Variants in RUNX2 observed in about 807,000 individuals in gnomAD.
The protein encoded by RUNX2 is RUNX family transcription factor 2.
A neutral mutation model predicts 51.7 loss-of-function variants in RUNX2; 10 were observed. That is an observed-to-expected ratio of 0.19 (90% confidence interval 0.12 to 0.33). RUNX2 has a LOEUF of 0.33. RUNX2 is among the 10% of genes least tolerant of loss of function. The pLI is 1.00. For synonymous variants in RUNX2, 276 were observed against 273.6 expected (o/e 1.01, Z -0.09); for missense variants, 562 against 691.3 (o/e 0.81, Z 2.10).
At chr6:45,538,691 C>T (rs1416567511) in intron 7 of RUNX2, among the ~76,000 whole-genome samples, 1 of 149,998 alleles carries the variant, frequency 6.7e-6, no homozygotes, top group Non-Finnish European at 1.5e-5. Context: ...GCTGGCTAAT[C>T]GGAGGAACGC....
chr6:45,411,972 T>C (rs910968377), intron 2 of RUNX2, among the ~76,000 whole-genome samples: 2 of 152,112 alleles, frequency 1.3e-5, no homozygotes, highest in African/African-American at 4.8e-5. Flanking sequence ...ATAAGAATAA[T>C]GTCACTCAAT....
intron 2 of RUNX2, among the ~76,000 whole-genome samples, chr6:45,418,455 A>C (rs1798110366): frequency 6.6e-6 from 1 of 152,198 alleles, no homozygotes; most frequent in Admixed American, 6.5e-5. Flanking sequence ...ATCACATACA[A>C]CTGAAAAGAT....
chr6:45,342,348 G>A (rs1019548051), intron 2 of RUNX2, among the ~76,000 whole-genome samples: 5 of 151,912 alleles, frequency 3.3e-5, no homozygotes, highest in Admixed American at 2.0e-4. Flanking sequence ...TGCAACCTCC[G>A]CCTCCTGGGT....
intron 2 of RUNX2, among the ~76,000 whole-genome samples, chr6:45,375,662 G>C (rs1482898731): frequency 3.9e-5 from 6 of 152,162 alleles, no homozygotes; most frequent in Middle Eastern, 3.4e-3. Flanking sequence ...TCTGGCCTCA[G>C]CCTCCCAAAG....
In RUNX2 at chr6:45,472,413, C is replaced by T. The variant is rs1426677321; in HGVS notation, c.686-19528C>T. On this transcript the variant is annotated intron_variant, in intron 5 of 8. Coordinates refer to ENST00000647337, the MANE Select transcript of RUNX2 (RefSeq NM_001024630.4). Reference sequence around the variant, plus strand: ...TCCCCTCTCCCCCAGAAAGAACATCCTTAGGTTTTCTCCCATTCTGCCAAA... The same window carrying T: ...TCCCCTCTCCCCCAGAAAGAACATCTTTAGGTTTTCTCCCATTCTGCCAAA... Among the ~76,000 whole-genome samples, 3 of 152,126 alleles carry T rather than the reference C, an allele frequency of 2.0e-5. 1 individual carries two copies. Among genetic ancestry groups the T allele is most frequent in the African/African-American group, 7.2e-5 (3 of 41,428 alleles).
chr6:45,339,134 G>A (rs897882726), intron 2 of RUNX2, among the ~76,000 whole-genome samples: 23 of 152,210 alleles, frequency 1.5e-4, no homozygotes, highest in Admixed American at 1.4e-3. Context: ...ATAAGGCTAA[G>A]TAATCTTATT....
At chr6:45,472,740 C>T (rs1207762496) in intron 5 of RUNX2, among the ~76,000 whole-genome samples, 4 of 152,064 alleles carry the variant, frequency 2.6e-5, no homozygotes, top group Admixed American at 1.3e-4. Flanking sequence ...GATTTTGGTT[C>T]GATTTAGTGA....
At chr6:45,416,136 G>C (rs1263358351) in intron 2 of RUNX2, among the ~76,000 whole-genome samples, 1 of 152,290 alleles carries the variant, frequency 6.6e-6, no homozygotes, top group African/African-American at 2.4e-5. Context: ...AAAAAACTTA[G>C]AATGGTGACT....
chr6:45,457,231 GA>G (rs1799342045), intron 5 of RUNX2, among the ~76,000 whole-genome samples: 1 of 152,158 alleles, frequency 6.6e-6, no homozygotes, highest in East Asian at 1.9e-4. Context: ...GAGATATGTA[GA>G]AAAAAAGAAA....
chr6:45,532,161 G>GT (rs1801873724), intron 7 of RUNX2, among the ~76,000 whole-genome samples: 1 of 100,808 alleles, frequency 9.9e-6, no homozygotes. Flanking sequence ...AGAAAACCTA[G>GT]ATTTTTTTTT....
At chr6:45,428,468 A>T (rs535284151) in intron 3 of RUNX2, among the ~76,000 whole-genome samples, 39 of 152,310 alleles carry the variant, frequency 2.6e-4, no homozygotes, top group African/African-American at 9.1e-4. Flanking sequence ...CAGAAAAAAA[A>T]CCAATATATT....
chr6:45,432,159 TGAAGTTGAG>T (rs1420316411), intron 4 of RUNX2, 140 bp downstream of exon 4: 1 of 827,384 alleles, frequency 1.2e-6, no homozygotes, highest in African/African-American at 1.7e-5. Context: ...TACATCCAGA[TGAAGTTGAG>T]TGTTTTTCTG....
chr6:45,391,185 A>G (rs1370114125), intron 2 of RUNX2, among the ~76,000 whole-genome samples: 1 of 152,192 alleles, frequency 6.6e-6, no homozygotes, highest in Non-Finnish European at 1.5e-5. Context: ...TGTGATTCCC[A>G]AAGTTGGAGC....
chr6:45,338,635 C>G (rs924131229), intron 2 of RUNX2, among the ~76,000 whole-genome samples: 1 of 152,038 alleles, frequency 6.6e-6, no homozygotes, highest in African/African-American at 2.4e-5. Context: ...AATAATAATA[C>G]TATCTTTCTC....
At chr6:45,475,916 G>A (rs747490345) in intron 5 of RUNX2, among the ~76,000 whole-genome samples, 3 of 152,186 alleles carry the variant, frequency 2.0e-5, no homozygotes, top group Non-Finnish European at 4.4e-5. Flanking sequence ...TTTTTCAAGG[G>A]ACATTCTAAA....
intron 2 of RUNX2, among the ~76,000 whole-genome samples, chr6:45,406,654 C>T (rs1797840714): frequency 6.6e-6 from 1 of 152,158 alleles, no homozygotes; most frequent in African/African-American, 2.4e-5. Flanking sequence ...GATCCGCCCG[C>T]CTTGGCCCCC....
chr6:45,497,779 C>T lies in RUNX2; in HGVS notation c.859+5665C>T, dbSNP rs541651257. Among the ~76,000 whole-genome samples the T allele has an allele frequency of 2.6e-5, 4 of 152,276 alleles. No homozygotes were observed. In the South Asian group the frequency reaches 6.2e-4, roughly 24 times the overall value. ...ATGTTTTCTTCATCTTTGTGTCCCC[C>T]ATTGTCTTACACGGTACCTGCTTAC... On this transcript the variant is annotated intron_variant, in intron 6 of 8. Transcript: ENST00000647337.
intron 7 of RUNX2, among the ~76,000 whole-genome samples, chr6:45,516,901 C>T (rs1377236547): frequency 1.3e-5 from 2 of 152,056 alleles, no homozygotes; most frequent in African/African-American, 4.8e-5. Context: ...TTTATTGAGG[C>T]TGATTGTTTG....
chr6:45,479,843 T>C (rs943132429), intron 5 of RUNX2, among the ~76,000 whole-genome samples: 1 of 152,250 alleles, frequency 6.6e-6, no homozygotes, highest in African/African-American at 2.4e-5. Flanking sequence ...AAAAATCTGT[T>C]GTGCCTTGAA....
Sources: allele counts gnomAD v4.1 joint callset (sites outside exome capture counted in the v4.1 genomes callset), GRCh38; gene constraint gnomAD v4.1.1; transcripts MANE v1.5; gene names NCBI Gene and HGNC (gene_info 2026-07-23, HGNC 2026-07-21).